CEP112: variants seen among roughly 807,000 people sequenced by gnomAD.
CEP112 encodes centrosomal protein 112.
A neutral mutation model predicts 153.0 loss-of-function variants in CEP112; 127 were observed. The observed-to-expected ratio is 0.83, with a 90% CI of 0.72 to 0.96. CEP112 has a LOEUF of 0.96. CEP112 is among the 40% of genes least tolerant of loss of function. CEP112 has a pLI of 0.00. For synonymous variants in CEP112, 358 were observed against 374.4 expected (o/e 0.96, Z 0.51); for missense variants, 1,089 against 1,101.2 (o/e 0.99, Z 0.16).
At chr17:66,172,183 C>G (rs2072272799) in intron 4 of CEP112, among the ~76,000 whole-genome samples, 1 of 152,114 alleles carries the variant, frequency 6.6e-6, no homozygotes, top group Admixed American at 6.6e-5. Context: ...ACGTTCCTTC[C>G]CAGTGCTAGG....
intron 21 of CEP112, among the ~76,000 whole-genome samples, chr17:65,825,609 G>A (rs1321626276): frequency 1.3e-5 from 2 of 152,048 alleles, no homozygotes; most frequent in South Asian, 2.1e-4. Context: ...TTCTCGAGAC[G>A]GATCGTGGTG....
intron 26 of CEP112, 194 bp downstream of exon 26, chr17:65,636,930 T>C (rs903035843): frequency 1.8e-6 from 1 of 565,680 alleles, no homozygotes; most frequent in Non-Finnish European, 3.1e-6. Context: ...CATCTTGTTT[T>C]GATAGTACAG....
At chr17:65,640,154 ATTTTTT>A (rs529025836) in intron 25 of CEP112, among the ~76,000 whole-genome samples, 2 of 78,348 alleles carry the variant, frequency 2.6e-5, no homozygotes, top group African/African-American at 1.4e-4. Context: ...ATATATATAT[ATTTTTT>A]TTTTTTTTTT....
In CEP112 at chr17:65,934,041, T is replaced by C. The variant is rs112772045; in HGVS notation, c.1873-6352A>G. On this transcript the variant is annotated intron_variant, in intron 18 of 26. Coordinates refer to ENST00000535342, the MANE Select transcript of CEP112 (RefSeq NM_001199165.4). ...CCATCTCTACTAAAAATACAAAAGT[T>C]ACATGGGCACAGTTGTGTGTGCCTG... 7.1e-3 allele frequency among the ~76,000 whole-genome samples: 1,075 copies of C among 152,176 alleles called. 10 individuals are homozygous for C. Among genetic ancestry groups the C allele is most frequent in the African/African-American group, 0.024 (1,004 of 41,532 alleles).
At chr17:66,036,813 C>T (rs751940271) in intron 12 of CEP112, among the ~76,000 whole-genome samples, 2 of 152,126 alleles carry the variant, frequency 1.3e-5, no homozygotes, top group Admixed American at 6.5e-5. Flanking sequence ...TGCAAAAATA[C>T]CTCGGGTAGA....
In CEP112 at chr17:66,181,848, T is replaced by C. The variant is rs1482205433; in HGVS notation, c.106+1346A>G. On this transcript the variant is annotated intron_variant, in intron 2 of 26. Coordinates refer to ENST00000535342, the MANE Select transcript of CEP112 (RefSeq NM_001199165.4). ...CATTCAAATAATCATGAACAAGTCA[T>C]AGGACATGAAATAGTCATTTGAAAA... The C allele has an allele frequency of 3.3e-5, 5 of 152,220 alleles. No homozygotes were observed. The East Asian group carries it at 9.7e-4, about 29-fold the overall frequency. 9.4% of individuals were successfully genotyped at this position (152,220 alleles called of 1,614,324 possible). A position where few individuals can be genotyped will look rare whatever the true frequency, so the allele number is the denominator to read the frequency against.
chr17:65,810,101 C>T (rs572384540), intron 21 of CEP112, among the ~76,000 whole-genome samples: 22 of 152,134 alleles, frequency 1.4e-4, no homozygotes, highest in South Asian at 6.2e-4. Flanking sequence ...ATTGAAGTGG[C>T]GAAGAGCCTC....
At chr17:66,021,676 A>G (rs1230861083) in intron 16 of CEP112, among the ~76,000 whole-genome samples, 1 of 152,036 alleles carries the variant, frequency 6.6e-6, no homozygotes, top group East Asian at 1.9e-4. Flanking sequence ...TTTCTTGCCC[A>G]GCCTTATCTC....
At chr17:66,175,264 T>C (rs1325798194) in intron 3 of CEP112, 48 bp from the exon 4 acceptor site, 4 of 1,308,696 alleles carry the variant, frequency 3.1e-6, no homozygotes, top group Non-Finnish European at 4.0e-6. Context: ...TGTACTATAA[T>C]AAACCACTAA....
At chr17:65,764,772 C>T (rs1372453093) in intron 21 of CEP112, among the ~76,000 whole-genome samples, 1 of 150,906 alleles carries the variant, frequency 6.6e-6, no homozygotes, top group Non-Finnish European at 1.5e-5. Flanking sequence ...TAATTATTGA[C>T]GTTTAAGGAC....
intron 21 of CEP112, among the ~76,000 whole-genome samples, chr17:65,845,495 T>C (rs2057696968): frequency 1.3e-5 from 2 of 152,220 alleles, no homozygotes; most frequent in South Asian, 4.1e-4. Context: ...TTAGTATGGC[T>C]ATTTTACATA....
intron 9 of CEP112, among the ~76,000 whole-genome samples, chr17:66,067,511 A>C (rs1039899230): frequency 5.3e-5 from 8 of 152,176 alleles, no homozygotes; most frequent in African/African-American, 1.7e-4. Context: ...TAATAAGTGA[A>C]TGGTGAATTA....
chr17:66,124,105 G>A lies in CEP112; in HGVS notation c.642+5641C>T, dbSNP rs1026697039. Among the ~76,000 whole-genome samples the A allele has an allele frequency of 2.6e-5, 4 of 152,056 alleles. No homozygotes were observed. In the East Asian group the frequency reaches 7.7e-4, roughly 29 times the overall value. ...CCACTCAAGGGGTGGTCTGGGACTA[G>A]GGCAATAGTTTACATGACAGTTCAG... On this transcript the variant is annotated intron_variant, in intron 6 of 26. Coordinates refer to ENST00000535342, the MANE Select transcript of CEP112 (RefSeq NM_001199165.4).
chr17:65,934,840 C>T (rs2061251389), intron 18 of CEP112, among the ~76,000 whole-genome samples: 1 of 152,180 alleles, frequency 6.6e-6, no homozygotes, highest in Non-Finnish European at 1.5e-5. Flanking sequence ...TTAATTGACT[C>T]ACAGTTCAGC....
At chr17:65,750,153 T>C (rs754947694) in intron 22 of CEP112, among the ~76,000 whole-genome samples, 17 of 152,218 alleles carry the variant, frequency 1.1e-4, no homozygotes, top group Non-Finnish European at 2.4e-4. Context: ...AATAGCAAGT[T>C]ATGGATGTAG....
intron 24 of CEP112, among the ~76,000 whole-genome samples, chr17:65,646,805 C>T (rs919232520): frequency 6.6e-6 from 1 of 152,204 alleles, no homozygotes; most frequent in Non-Finnish European, 1.5e-5. Context: ...CCCAGCACAA[C>T]AGGGGCCAGG....
chr17:65,972,486 C>T (rs975726336), intron 17 of CEP112, among the ~76,000 whole-genome samples: 2 of 151,996 alleles, frequency 1.3e-5, no homozygotes, highest in Non-Finnish European at 2.9e-5. Context: ...CTTTAAAGAA[C>T]AGTAAAACAC....
At chr17:65,841,658 T>G (rs1371760820) in intron 21 of CEP112, among the ~76,000 whole-genome samples, 4 of 152,022 alleles carry the variant, frequency 2.6e-5, no homozygotes, top group Admixed American at 2.6e-4. Context: ...TGAAATCTCC[T>G]TAACAGAAAG....
At chr17:65,792,100 T>C (rs945218240) in intron 21 of CEP112, among the ~76,000 whole-genome samples, 1 of 152,204 alleles carries the variant, frequency 6.6e-6, no homozygotes, top group Non-Finnish European at 1.5e-5. Context: ...ATCAGTTTTC[T>C]ACAAGTTAAA....
Sources: gnomAD v4.1 joint callset for allele counts (sites outside exome capture counted in the v4.1 genomes callset) on GRCh38, gnomAD v4.1.1 for gene constraint, MANE v1.5 for transcripts, NCBI Gene and HGNC (gene_info 2026-07-23, HGNC 2026-07-21) for gene names.